NCOA2: variants seen among roughly 807,000 people sequenced by gnomAD.
The protein encoded by NCOA2 is nuclear receptor coactivator 2.
In NCOA2, 21 loss-of-function variants were observed where a neutral mutation model predicts 145.1. The observed-to-expected ratio is 0.14, with a 90% confidence interval of 0.10 to 0.21. NCOA2 has a LOEUF of 0.21. NCOA2 is among the 10% of genes least tolerant of loss of function. The pLI is 1.00. For missense variants in NCOA2, 1,472 were observed against 1,837.6 expected (o/e 0.80, Z 3.64); for synonymous variants, 619 against 637.5 (o/e 0.97, Z 0.44).
At chr8:70,412,968 C>T in the NCOA2 span, among the ~76,000 whole-genome samples, 1 of 151,654 alleles carries the variant, frequency 6.6e-6, no homozygotes, top group Admixed American at 6.6e-5. Flanking sequence ...TGTGGTGGTG[C>T]ACACCTGTAA....
intron 2 of NCOA2, among the ~76,000 whole-genome samples, chr8:70,260,780 T>TA (rs1429174366): frequency 1.3e-5 from 2 of 152,176 alleles, no homozygotes; most frequent in Non-Finnish European, 2.9e-5. Context: ...ATCTATTCCT[T>TA]AAAAAATGGA....
At chr8:70,291,695 T>G (rs1281305259) in intron 2 of NCOA2, among the ~76,000 whole-genome samples, 1 of 152,178 alleles carries the variant, frequency 6.6e-6, no homozygotes, top group Non-Finnish European at 1.5e-5. Flanking sequence ...AAGAGCACAC[T>G]CTGAGAGCTC....
At chr8:70,309,646 T>G (rs79339601) in intron 1 of NCOA2, among the ~76,000 whole-genome samples, 7 of 151,964 alleles carry the variant, frequency 4.6e-5, no homozygotes, top group Non-Finnish European at 1.0e-4. Flanking sequence ...ATTTTTTTTT[T>G]CCCCACAAAA....
the NCOA2 span, among the ~76,000 whole-genome samples, chr8:70,446,211 G>C: frequency 2.2e-4 from 33 of 152,088 alleles, no homozygotes; most frequent in African/African-American, 7.2e-4. Context: ...ACTTCAATTC[G>C]AGGACGGCTC....
At chr8:70,268,628 T>C (rs193105995) in intron 2 of NCOA2, among the ~76,000 whole-genome samples, 5 of 152,320 alleles carry the variant, frequency 3.3e-5, no homozygotes, top group African/African-American at 1.2e-4. Context: ...GCACTGGTTA[T>C]TAGCTATGTT....
intron 4 of NCOA2, among the ~76,000 whole-genome samples, chr8:70,180,232 T>C (rs1357120844): frequency 6.6e-6 from 1 of 152,232 alleles, no homozygotes; most frequent in Non-Finnish European, 1.5e-5. Context: ...GAAGTAGCTA[T>C]GATCTTTTTA....
the NCOA2 span, among the ~76,000 whole-genome samples, chr8:70,453,967 A>T: frequency 6.6e-6 from 1 of 152,238 alleles, no homozygotes; most frequent in Non-Finnish European, 1.5e-5. Flanking sequence ...TGTGAGATGA[A>T]AAAGATTGAG....
intron 1 of NCOA2, among the ~76,000 whole-genome samples, chr8:70,314,267 G>A (rs1805399275): frequency 6.9e-6 from 1 of 144,918 alleles, no homozygotes; most frequent in Non-Finnish European, 1.5e-5. Flanking sequence ...AGTACAGAAT[G>A]CCACAAAGAC....
chr8:70,267,350 C>T (rs920907547), intron 2 of NCOA2, among the ~76,000 whole-genome samples: 33 of 150,752 alleles, frequency 2.2e-4, no homozygotes, highest in Non-Finnish European at 2.8e-4. Flanking sequence ...CCAATATCCT[C>T]ATTTCCCACC....
At chr8:70,119,002 T>A (rs1418854206) in intron 22 of NCOA2, among the ~76,000 whole-genome samples, 2 of 152,164 alleles carry the variant, frequency 1.3e-5, no homozygotes, top group Non-Finnish European at 2.9e-5. Flanking sequence ...GAGGATTTTT[T>A]ATTTTATTTT....
chr8:70,172,309 A>G (rs992793039), intron 5 of NCOA2, among the ~76,000 whole-genome samples: 2 of 152,134 alleles, frequency 1.3e-5, no homozygotes, highest in African/African-American at 2.4e-5. Flanking sequence ...CACATACAAC[A>G]ATGAATTTGG....
chr8:70,414,028 G>T, the NCOA2 span, among the ~76,000 whole-genome samples: 1 of 152,016 alleles, frequency 6.6e-6, no homozygotes, highest in Admixed American at 6.6e-5. Flanking sequence ...AATATTTTCT[G>T]TGTATATATG....
rs1806587636 is a variant in NCOA2, at chr8:70,112,104, A to G, written c.*1528T>C. The stretch of plus-strand genomic sequence containing the variant: ...AGGTTCATTAAGAAAGAATATAAAC[A>G]TATAAAAATCAAGAATTGGTTCCTA... On this transcript the variant is annotated 3_prime_UTR_variant, in exon 23 of 23. Transcript: ENST00000452400. 4.9e-6 allele frequency: 1 copy of G among 204,520 alleles called. No individual in the cohort carries two copies. Among genetic ancestry groups the G allele is most frequent in the Non-Finnish European group, 1.0e-5 (1 of 99,682 alleles). 12.7% of individuals were successfully genotyped at this position (204,520 alleles called of 1,614,324 possible).
At chr8:70,436,505 T>A in the NCOA2 span, among the ~76,000 whole-genome samples, 1 of 152,188 alleles carries the variant, frequency 6.6e-6, no homozygotes, top group East Asian at 1.9e-4. Context: ...TGTTCCCATA[T>A]CAGTAAGCCA....
intron 1 of NCOA2, among the ~76,000 whole-genome samples, chr8:70,393,919 T>C (rs1238433287): frequency 6.6e-6 from 1 of 152,266 alleles, no homozygotes; most frequent in Admixed American, 6.5e-5. Context: ...TCTATTGTTG[T>C]TGTTCACTGT....
intron 1 of NCOA2, among the ~76,000 whole-genome samples, chr8:70,335,239 C>G (rs112907882): frequency 1.3e-5 from 2 of 151,278 alleles, no homozygotes; most frequent in African/African-American, 4.9e-5. Flanking sequence ...CACTGCCCCC[C>G]ATACTGGCTT....
intron 4 of NCOA2, among the ~76,000 whole-genome samples, chr8:70,197,822 C>T (rs76303667): frequency 0.019 from 2,675 of 144,314 alleles, 23 homozygotes; most frequent in Non-Finnish European, 0.027. Context: ...GCTGCTTTCA[C>T]ATTTTCTCTA....
At chr8:70,428,354 A>G in the NCOA2 span, among the ~76,000 whole-genome samples, 1 of 151,972 alleles carries the variant, frequency 6.6e-6, no homozygotes, top group Non-Finnish European at 1.5e-5. Flanking sequence ...CAGCTACTCC[A>G]GAGGCTGAGG....
the NCOA2 span, among the ~76,000 whole-genome samples, chr8:70,423,728 A>G: frequency 6.6e-6 from 1 of 152,196 alleles, no homozygotes; most frequent in East Asian, 1.9e-4. Flanking sequence ...TCATGGAATA[A>G]TAAGCGGAGA....
Sources: gnomAD v4.1 joint callset for allele counts (sites outside exome capture counted in the v4.1 genomes callset) on GRCh38, gnomAD v4.1.1 for gene constraint, MANE v1.5 for transcripts, NCBI Gene and HGNC (gene_info 2026-07-23, HGNC 2026-07-21) for gene names.